The following NAV3 variants were observed in gnomAD, a reference collection of about 807,000 sequenced individuals.
The protein encoded by NAV3 is pore membrane and/or filament interacting like protein 1.
A neutral mutation model predicts 244.7 loss-of-function variants in NAV3; 87 were observed. The ratio of observed to expected loss-of-function variants is 0.36; its 90% CI spans 0.30 to 0.42. NAV3 has a LOEUF of 0.42. Among genes scored for constraint, NAV3 ranks in the 20% least tolerant of loss-of-function variants. The pLI is 1.00. For missense variants in NAV3, 2,663 were observed against 2,893.3 expected (o/e 0.92, Z 1.83); for synonymous variants, 1,126 against 1,042.2 (o/e 1.08, Z -1.55).
At chr12:78,105,263 G>T (rs564133118) in intron 12 of NAV3, among the ~76,000 whole-genome samples, 1 of 152,180 alleles carries the variant, frequency 6.6e-6, no homozygotes, top group Admixed American at 6.5e-5. Flanking sequence ...TACAGCCAGA[G>T]ATATTTGGTT....
intron 24 of NAV3, among the ~76,000 whole-genome samples, chr12:78,174,613 A>G (rs1236502877): frequency 2.0e-5 from 3 of 151,932 alleles, no homozygotes; most frequent in African/African-American, 2.4e-5. Context: ...TACTATTACT[A>G]TTCTATAATA....
At chr12:77,988,219 T>G (rs931644580) in intron 5 of NAV3, among the ~76,000 whole-genome samples, 2 of 152,146 alleles carry the variant, frequency 1.3e-5, no homozygotes, top group African/African-American at 4.8e-5. Flanking sequence ...GGATCTGAGG[T>G]TCTATATTTC....
chr12:77,663,676 C>A (rs1056871130), intron 2 of NAV3, among the ~76,000 whole-genome samples: 1 of 152,152 alleles, frequency 6.6e-6, no homozygotes, highest in Non-Finnish European at 1.5e-5. Context: ...CCTGCACCAC[C>A]ATGCCCAGCT....
intron 16 of NAV3, among the ~76,000 whole-genome samples, chr12:78,126,940 C>T (rs1267390152): frequency 6.6e-6 from 1 of 152,082 alleles, no homozygotes; most frequent in Non-Finnish European, 1.5e-5. Context: ...TCTAGTAATC[C>T]TATCACTAAA....
intron 12 of NAV3, among the ~76,000 whole-genome samples, chr12:78,060,753 A>G (rs1420427497): frequency 6.6e-6 from 1 of 152,226 alleles, no homozygotes; most frequent in Admixed American, 6.5e-5. Context: ...GACAGTGATA[A>G]GAGGGAAAGA....
chr12:77,891,837 C>A (rs190738728), intron 1 of NAV3, among the ~76,000 whole-genome samples: 1 of 152,192 alleles, frequency 6.6e-6, no homozygotes, highest in Non-Finnish European at 1.5e-5. Flanking sequence ...TAAGTGCTGG[C>A]TCCCTTGTCC....
intron 8 of NAV3, 83 bp downstream of exon 8, chr12:78,007,528 G>C: frequency 1.4e-6 from 2 of 1,420,394 alleles, no homozygotes; most frequent in Non-Finnish European, 1.9e-6. Flanking sequence ...GGCTGATAAA[G>C]TGGTGCTTTA....
chr12:78,147,265 T>A (rs1041595243), intron 21 of NAV3, among the ~76,000 whole-genome samples: 1 of 152,088 alleles, frequency 6.6e-6, no homozygotes, highest in African/African-American at 2.4e-5. Flanking sequence ...TTTATTTACA[T>A]CACATGGACA....
rs145932369 is a variant in NAV3, at chr12:77,969,964, C to A, written c.671+1262C>A. ...TTACATCCTTAAAATATCTACATAG[C>A]AACAACTAGACTAGTATTTGAAGGA... On this transcript the variant is annotated intron_variant, in intron 5 of 39. Transcript: ENST00000397909. Among the ~76,000 whole-genome samples, 50 of 152,240 alleles carry A rather than the reference C, an allele frequency of 3.3e-4. No individual in the cohort carries two copies. The East Asian group carries it at 9.4e-3, about 29-fold the overall frequency.
chr12:77,655,736 C>G (rs182243600), intron 2 of NAV3, among the ~76,000 whole-genome samples: 2 of 152,118 alleles, frequency 1.3e-5, no homozygotes, highest in African/African-American at 4.8e-5. Context: ...AAAGGGAAGC[C>G]CATCAGACTA....
intron 2 of NAV3, among the ~76,000 whole-genome samples, chr12:77,735,234 G>T (rs1350399252): frequency 1.3e-5 from 2 of 152,112 alleles, no homozygotes; most frequent in Non-Finnish European, 2.9e-5. Flanking sequence ...TATTGAAAAT[G>T]AGTCCACTGA....
intron 23 of NAV3, among the ~76,000 whole-genome samples, chr12:78,165,222 A>G (rs1359882538): frequency 6.6e-6 from 1 of 152,064 alleles, no homozygotes; most frequent in African/African-American, 2.4e-5. Flanking sequence ...TTTGGTTCTC[A>G]GGTTTTAAAA....
At chr12:78,101,395 G>T (rs1389229592) in intron 12 of NAV3, among the ~76,000 whole-genome samples, 1 of 152,176 alleles carries the variant, frequency 6.6e-6, no homozygotes, top group African/African-American at 2.4e-5. Context: ...CCACAAGGTT[G>T]CACAGTAAAT....
chr12:77,790,299 G>A (rs935582555), intron 2 of NAV3, among the ~76,000 whole-genome samples: 1 of 152,170 alleles, frequency 6.6e-6, no homozygotes, highest in Non-Finnish European at 1.5e-5. Flanking sequence ...AAAAAAAATA[G>A]TTACGATATG....
rs747404208 is a variant in NAV3, at chr12:77,940,376, A to G, written c.301A>G (p.Lys101Glu). Residue 101 changes from lysine to glutamate, a missense_variant, in exon 2 of 40, where the codon AAG becomes GAG. Lys to Glu is a moderately conservative substitution (Grantham distance 56). Coordinates refer to ENST00000397909, the MANE Select transcript of NAV3 (RefSeq NM_001024383.2). ...LAKSGHKRLI[K>E]DLQQDIADGV... is the part of the protein sequence containing the mutation. ...AAAATCAGGCCACAAGCGGCTGATCAAGGACTTGCAACAAGACATTGCAGA... is the reference window on the plus strand; with the variant it reads ...AAAATCAGGCCACAAGCGGCTGATCGAGGACTTGCAACAAGACATTGCAGA... 6.2e-7 allele frequency: 1 copy of G among 1,613,946 alleles called. No homozygotes were observed.
chr12:77,656,565 C>A (rs1283883210), intron 2 of NAV3, among the ~76,000 whole-genome samples: 6,445 of 125,638 alleles, frequency 0.051, 730 homozygotes, highest in African/African-American at 0.18. Flanking sequence ...AGAAAGTCAA[C>A]AAGGATACCC....
At chr12:77,702,250 A>T (rs1362748479) in intron 2 of NAV3, among the ~76,000 whole-genome samples, 1 of 151,880 alleles carries the variant, frequency 6.6e-6, no homozygotes, top group African/African-American at 2.4e-5. Flanking sequence ...CTTGAAATTT[A>T]TTTTGACATC....
chr12:78,137,439 A>G (rs1402458998), intron 19 of NAV3, 74 bp downstream of exon 19: 1 of 1,387,412 alleles, frequency 7.2e-7, no homozygotes, highest in South Asian at 1.5e-5. Flanking sequence ...TGTCACTCAC[A>G]TCACAAAGAT....
At chr12:77,943,063 C>T (rs1890026228) in intron 3 of NAV3, among the ~76,000 whole-genome samples, 1 of 152,130 alleles carries the variant, frequency 6.6e-6, no homozygotes, top group African/African-American at 2.4e-5. Context: ...CAAGCTTATA[C>T]TCAGTGATGG....
Sources: gnomAD v4.1 joint callset for allele counts (sites outside exome capture counted in the v4.1 genomes callset) on GRCh38, gnomAD v4.1.1 for gene constraint, MANE v1.5 for transcripts, NCBI Gene and HGNC (gene_info 2026-07-23, HGNC 2026-07-21) for gene names.